VPS54: variants seen among roughly 807,000 people sequenced by gnomAD.
VPS54 encodes VPS54 subunit of GARP complex.
Under a neutral mutation model 121.5 loss-of-function variants are expected in VPS54, and 45 were observed. The ratio of observed to expected loss-of-function variants is 0.37; its 90% CI spans 0.29 to 0.47. VPS54 has a LOEUF of 0.47. Ranked by LOEUF, VPS54 falls within the 20% of genes least tolerant of loss-of-function variation. The probability of loss-of-function intolerance (pLI) is 0.99; values close to 1 mark genes in which losing one functional copy is unlikely to be tolerated. For synonymous variants in VPS54, 371 were observed against 385.8 expected, an observed-to-expected ratio of 0.96 and a Z score of 0.45; for missense variants, 1,090 against 1,131.4, an observed-to-expected ratio of 0.96 and a Z score of 0.52.
At chr2:63,917,962 G>A (rs1575904986) in intron 15 of VPS54, among the ~76,000 whole-genome samples, 1 of 152,024 alleles carries the variant, frequency 6.6e-6, no homozygotes, top group Non-Finnish European at 1.5e-5. Flanking sequence ...AAAATACTTA[G>A]AACAAAACAG....
intron 3 of VPS54, among the ~76,000 whole-genome samples, chr2:63,978,290 C>G (rs75807254): frequency 6.6e-6 from 1 of 152,136 alleles, no homozygotes; most frequent in Non-Finnish European, 1.5e-5. Flanking sequence ...TTCCCACCAG[C>G]GGTATATGAG....
chr2:63,931,874 A>T (rs1205657191), intron 12 of VPS54, among the ~76,000 whole-genome samples: 1 of 152,268 alleles, frequency 6.6e-6, no homozygotes, highest in Non-Finnish European at 1.5e-5. Flanking sequence ...TCAAAAGAGG[A>T]CATTTATGTG....
intron 7 of VPS54, among the ~76,000 whole-genome samples, chr2:63,951,206 C>CCT (rs373285481): frequency 3.0e-5 from 4 of 134,344 alleles, no homozygotes; most frequent in African/African-American, 1.1e-4. Flanking sequence ...ACAAATTTCC[C>CCT]TTTTTTTTTT....
chr2:64,014,359 A>T (rs1430302339), intron 1 of VPS54, among the ~76,000 whole-genome samples: 1 of 152,154 alleles, frequency 6.6e-6, no homozygotes, highest in African/African-American at 2.4e-5. Flanking sequence ...AAATATATAT[A>T]TTTTCAAGTC....
chr2:63,953,893 A>T (rs949653685), intron 7 of VPS54, among the ~76,000 whole-genome samples: 2 of 152,212 alleles, frequency 1.3e-5, no homozygotes, highest in African/African-American at 4.8e-5. Context: ...TGACACTAAC[A>T]TAATTCCTCA....
At position 63,983,933 on chromosome 2, in the gene VPS54, C is replaced by T. The variant is rs779036586; in HGVS notation, c.67G>A (p.Glu23Lys). The change falls in exon 2 of 23, where the codon GAG becomes AAG. Residue 23 changes from glutamate to lysine, a missense_variant. Glu to Lys is a moderately conservative substitution (Grantham distance 56). This residue lies in a region of VPS54 where 801 missense variants were observed against 757.0 expected (regional missense o/e 1.06). Transcript: ENST00000272322. ...GSSSDVFFKI[E>K]VDPSKHIRPV... ...CGAATGTGTTTTGACGGATCTACCT[C>T]TATTTTAAAGAAAACATCACTGCTG... The T allele has an allele frequency of 1.9e-6, 3 of 1,613,852 alleles. No individual in the cohort carries two copies. The highest frequency in any genetic ancestry group is 2.2e-5 in the East Asian group (1 of 44,878).
intron 20 of VPS54, among the ~76,000 whole-genome samples, chr2:63,905,110 CTCAAA>C (rs772439770): frequency 2.0e-5 from 3 of 152,038 alleles, no homozygotes; most frequent in African/African-American, 7.2e-5. Flanking sequence ...AAAGAAAGGT[CTCAAA>C]TCAAAAATCT....
intron 6 of VPS54, among the ~76,000 whole-genome samples, chr2:63,964,890 G>C (rs1675920650): frequency 6.6e-6 from 1 of 152,124 alleles, no homozygotes; most frequent in Non-Finnish European, 1.5e-5. Flanking sequence ...TGAATGCTAA[G>C]AAAGAACAGA....
intron 12 of VPS54, among the ~76,000 whole-genome samples, chr2:63,922,840 C>A (rs892333134): frequency 8.0e-5 from 12 of 150,912 alleles, no homozygotes; most frequent in Non-Finnish European, 1.6e-4. Flanking sequence ...CCCCATGTAA[C>A]AGAATGATTA....
chr2:63,942,332 A>T, intron 11 of VPS54, 133 bp downstream of exon 11: 1 of 560,562 alleles, frequency 1.8e-6, no homozygotes, highest in Non-Finnish European at 2.9e-6. Flanking sequence ...TTTAAAAACA[A>T]GCCTCTTTAG....
intron 1 of VPS54, among the ~76,000 whole-genome samples, chr2:64,004,371 A>G (rs1486740948): frequency 1.3e-5 from 2 of 152,210 alleles, no homozygotes; most frequent in Non-Finnish European, 2.9e-5. Context: ...AAAACATTAT[A>G]TTCTCATGGC....
chr2:63,996,012 T>C (rs892289644), intron 1 of VPS54, among the ~76,000 whole-genome samples: 1 of 152,202 alleles, frequency 6.6e-6, no homozygotes, highest in Non-Finnish European at 1.5e-5. Flanking sequence ...TTCGGAATTA[T>C]GTTTCCCTGT....
chr2:63,978,456 C>T (rs1310497395), intron 3 of VPS54, among the ~76,000 whole-genome samples: 1 of 152,156 alleles, frequency 6.6e-6, no homozygotes. Flanking sequence ...TCTTCTACAT[C>T]TTTACCAAAA....
At chr2:63,964,405 A>G (rs951636666) in intron 6 of VPS54, among the ~76,000 whole-genome samples, 4 of 152,196 alleles carry the variant, frequency 2.6e-5, no homozygotes, top group Non-Finnish European at 5.9e-5. Context: ...AATGCTATAA[A>G]GGAAATAATT....
At chr2:63,917,003 G>C (rs780296676) in intron 15 of VPS54, 40 bp from the exon 16 acceptor site, 15 of 1,601,510 alleles carry the variant, frequency 9.4e-6, no homozygotes, top group Middle Eastern at 1.7e-4. Flanking sequence ...AAGAGTACCA[G>C]ACGAAACAAA....
rs551646870 is a variant in VPS54 at position 64,004,779 on chromosome 2, T to C, written c.-21+14159A>G. 7.6e-4 allele frequency among the ~76,000 whole-genome samples: 115 copies of C among 152,272 alleles called. No individual in the cohort carries two copies. The Middle Eastern group carries it at 0.01, about 14-fold the overall frequency. On this transcript the variant is annotated intron_variant, in intron 1 of 22. Coordinates refer to ENST00000272322, the MANE Select transcript of VPS54 (RefSeq NM_016516.3). ...AATAATAACTGTTTAAATTATAACATAGTATTATTTCTTCTTTTTGAGACA... is the reference window on the plus strand; with the variant it reads ...AATAATAACTGTTTAAATTATAACACAGTATTATTTCTTCTTTTTGAGACA...
intron 11 of VPS54, among the ~76,000 whole-genome samples, chr2:63,941,408 G>A (rs568067932): frequency 1.3e-5 from 2 of 152,130 alleles, no homozygotes; most frequent in South Asian, 2.1e-4. Flanking sequence ...AATTTATTTT[G>A]TAGAGATGAG....
intron 1 of VPS54, among the ~76,000 whole-genome samples, chr2:63,989,166 C>G (rs1193019530): frequency 6.6e-6 from 1 of 152,112 alleles, no homozygotes; most frequent in East Asian, 1.9e-4. Context: ...TCTCTCAAAC[C>G]CTGTTTCCTG....
intron 3 of VPS54, among the ~76,000 whole-genome samples, chr2:63,972,967 T>A (rs1361412217): frequency 7.9e-5 from 12 of 152,066 alleles, no homozygotes; most frequent in Admixed American, 7.9e-4. Context: ...TGATTTAGAA[T>A]TAGATGACCA....
Sources: allele counts gnomAD v4.1 joint callset (sites outside exome capture counted in the v4.1 genomes callset), GRCh38; gene constraint gnomAD v4.1.1; regional missense constraint gnomAD v4.1.1; transcripts MANE v1.5; gene names NCBI Gene and HGNC (gene_info 2026-07-23, HGNC 2026-07-21).